The following AZI2 variants were observed in gnomAD, a reference collection of about 807,000 sequenced individuals.
The protein encoded by AZI2 is 5-azacytidine-induced protein 2.
A neutral mutation model predicts 45.8 loss-of-function variants in AZI2; 22 were observed. The observed-to-expected ratio is 0.48, with a 90% CI of 0.34 to 0.69. The LOEUF (loss-of-function observed/expected upper bound fraction) is 0.69, where lower values mean the gene tolerates loss of function less well. Among genes scored for constraint, AZI2 ranks in the 30% least tolerant of loss-of-function variants. The pLI is 0.01. For missense variants in AZI2, 417 were observed against 441.5 expected (o/e 0.94, Z 0.50); for synonymous variants, 137 against 156.7 (o/e 0.87, Z 0.94).
chr3:28,344,735 C>T, intron 1 of AZI2, among the ~76,000 whole-genome samples: 1 of 151,974 alleles, frequency 6.6e-6, no homozygotes, highest in East Asian at 1.9e-4. Flanking sequence ...TATACTGAGT[C>T]TTATTTATCA....
intron 5 of AZI2, among the ~76,000 whole-genome samples, chr3:28,333,580 C>A (rs914952702): frequency 6.6e-6 from 1 of 151,448 alleles, no homozygotes; most frequent in Admixed American, 6.6e-5. Flanking sequence ...TTAAAGCCAA[C>A]AATATAAAAA....
At chr3:28,347,153 CT>C (rs1164936292) in intron 1 of AZI2, among the ~76,000 whole-genome samples, 2 of 152,082 alleles carry the variant, frequency 1.3e-5, no homozygotes, top group Non-Finnish European at 2.9e-5. Flanking sequence ...GATAAGGCAA[CT>C]ATACTTGCAC....
chr3:28,340,345 G>T, intron 2 of AZI2, 57 bp downstream of exon 2: 1 of 1,167,596 alleles, frequency 8.6e-7, no homozygotes, highest in East Asian at 2.5e-5. Flanking sequence ...AAAATTTCAA[G>T]TATTTTGAAT....
In AZI2 at chr3:28,323,010, C is replaced by T. The variant is rs565007052; in HGVS notation, c.*1032G>A. ...TCCTTCTTTATTTCCAAATAATTGGCCACTTAGAATAAGTGTGGACATTTC... is the reference window on the plus strand; with the variant it reads ...TCCTTCTTTATTTCCAAATAATTGGTCACTTAGAATAAGTGTGGACATTTC... On this transcript the variant is annotated 3_prime_UTR_variant, in exon 8 of 8. Transcript: ENST00000479665. The T allele has an allele frequency of 3.0e-4, 43 of 142,126 alleles. No homozygotes were observed. Among genetic ancestry groups the T allele is most frequent in the African/African-American group, 1.0e-3 (42 of 41,078 alleles). 8.8% of individuals were successfully genotyped at this position (142,126 alleles called of 1,614,324 possible).
intron 7 of AZI2, among the ~76,000 whole-genome samples, chr3:28,325,374 A>G (rs569631110): frequency 6.6e-6 from 1 of 151,200 alleles, no homozygotes; most frequent in African/African-American, 2.4e-5. Flanking sequence ...ACATTATAAA[A>G]TAAGTTCATT....
chr3:28,336,692 TACAC>T, intron 5 of AZI2, 41 bp downstream of exon 5: 1 of 1,567,088 alleles, frequency 6.4e-7, no homozygotes, highest in Non-Finnish European at 8.8e-7. Flanking sequence ...CTACATATGA[TACAC>T]AAAAAATACT....
intron 3 of AZI2, 75 bp downstream of exon 3, chr3:28,338,418 C>T: frequency 7.1e-7 from 1 of 1,417,144 alleles, no homozygotes; most frequent in Non-Finnish European, 9.4e-7. Context: ...ATTTAACTTA[C>T]TTCTAATTTT....
chr3:28,335,473 A>G (rs548408438), intron 5 of AZI2, among the ~76,000 whole-genome samples: 1 of 152,044 alleles, frequency 6.6e-6, no homozygotes, highest in South Asian at 2.1e-4. Flanking sequence ...AAGCTGGGGG[A>G]ATCAACTTTG....
At chr3:28,341,395 C>A (rs1311644761) in intron 1 of AZI2, 1 of 152,066 alleles carries the variant, frequency 6.6e-6, no homozygotes, top group Non-Finnish European at 1.5e-5. Flanking sequence ...TCATTTGTGT[C>A]CCCAACTCAT....
Position 28,340,593 on chromosome 3 carries a change from T to C in AZI2, c.25A>G (p.Ile9Val), listed in dbSNP as rs1218411794. Residue 9 changes from isoleucine (I) to valine (V), a missense_variant, in exon 2 of 8, where the codon ATC becomes GTC. Transcript: ENST00000479665. ...GCTTTTTCATGATTCAGAATACAGA[T>C]ATCATCTTCTACCAGTGCATCCATG... MDALVEDDICILNHEKAHK... is the reference protein window; with the variant it reads MDALVEDDVCILNHEKAHK... 6.2e-6 allele frequency: 10 copies of C among 1,611,462 alleles called. No homozygotes were observed. Among genetic ancestry groups the C allele is most frequent in the African/African-American group, 4.0e-5 (3 of 74,818 alleles).
chr3:28,345,719 C>T (rs1242431831), intron 1 of AZI2, among the ~76,000 whole-genome samples: 2 of 152,132 alleles, frequency 1.3e-5, no homozygotes, highest in African/African-American at 2.4e-5. Flanking sequence ...TTTAGAAGAT[C>T]TTAAATTTCA....
At chr3:28,348,389 G>A (rs1303846215) in intron 1 of AZI2, 1 of 152,620 alleles carries the variant, frequency 6.6e-6, no homozygotes, top group South Asian at 2.1e-4. Context: ...AGCTGGGGGT[G>A]AGGGTGACAG....
intron 6 of AZI2, among the ~76,000 whole-genome samples, chr3:28,330,277 A>G (rs1703524704): frequency 6.6e-6 from 1 of 151,344 alleles, no homozygotes; most frequent in South Asian, 2.1e-4. Flanking sequence ...GGTTCACTCT[A>G]TCTTAAGATA....
rs1260513075 is a variant in AZI2, at chr3:28,323,910, G to A, written c.*132C>T. The A allele has an allele frequency of 1.9e-6, 2 of 1,035,696 alleles. No individual in the cohort carries two copies. The highest frequency in any genetic ancestry group is 1.6e-5 in the African/African-American group (1 of 61,108). 64.2% of individuals were successfully genotyped at this position (1,035,696 alleles called of 1,614,324 possible). Reference sequence around the variant, plus strand: ...TGGTTTTTGTACTATTGTACAGTGTGTTCAAATATAGATACTGAAGACCTC... The same window carrying A: ...TGGTTTTTGTACTATTGTACAGTGTATTCAAATATAGATACTGAAGACCTC... On this transcript the variant is annotated 3_prime_UTR_variant, in exon 8 of 8. Coordinates refer to ENST00000479665, the MANE Select transcript of AZI2 (RefSeq NM_022461.5).
chr3:28,321,866 A>G lies in AZI2; in HGVS notation c.*2176T>C, dbSNP rs1703198497. Reference sequence around the variant, plus strand: ...AGGAAGGAATAGGTGGCTTTTTGTTATGTTTTCTTCATTCTGTCGATTTAT... The same window carrying G: ...AGGAAGGAATAGGTGGCTTTTTGTTGTGTTTTCTTCATTCTGTCGATTTAT... On this transcript the variant is annotated 3_prime_UTR_variant, in exon 8 of 8. Coordinates refer to ENST00000479665, the MANE Select transcript of AZI2 (RefSeq NM_022461.5). The G allele has an allele frequency of 6.6e-6, 1 of 151,372 alleles. No homozygotes were observed. Among genetic ancestry groups the G allele is most frequent in the Non-Finnish European group, 1.5e-5 (1 of 67,518 alleles). 9.4% of individuals were successfully genotyped at this position (151,372 alleles called of 1,614,324 possible). A position where few individuals can be genotyped will look rare whatever the true frequency, so the allele number is the denominator to read the frequency against.
rs1336753787 is a variant in AZI2 at position 28,321,644 on chromosome 3, C to G, written c.*2398G>C. 6.6e-6 allele frequency: 1 copy of G among 151,312 alleles called. No individual in the cohort carries two copies. The highest frequency in any genetic ancestry group is 1.5e-5 in the Non-Finnish European group (1 of 67,526). 9.4% of individuals were successfully genotyped at this position (151,312 alleles called of 1,614,324 possible). The stretch of plus-strand genomic sequence containing the variant: ...TTTACCCCTTAAGATACACCTTCTC[C>G]AAGTAGCCTTTCTGAATTAAGATCA... On this transcript the variant is annotated 3_prime_UTR_variant, in exon 8 of 8. Transcript: ENST00000479665.
At position 28,322,117 on chromosome 3, in the gene AZI2, A is replaced by C. The variant is rs1703204922; in HGVS notation, c.*1925T>G. On this transcript the variant is annotated 3_prime_UTR_variant, in exon 8 of 8. Coordinates refer to ENST00000479665, the MANE Select transcript of AZI2 (RefSeq NM_022461.5). ...CTAGCTGGGTAAAAAATTTTTGGCT[A>C]ATCTTTCCTTACTAAAGAACCTTAT... The C allele has an allele frequency of 6.6e-6, 1 of 151,258 alleles. No individual in the cohort carries two copies. Among genetic ancestry groups the C allele is most frequent in the Non-Finnish European group, 1.5e-5 (1 of 67,448 alleles). 9.4% of individuals were successfully genotyped at this position (151,258 alleles called of 1,614,324 possible).
intron 7 of AZI2, chr3:28,325,097 T>C (rs527862946): frequency 1.4e-5 from 2 of 139,388 alleles, no homozygotes; most frequent in Admixed American, 7.5e-5. Context: ...CAAATGTTAA[T>C]GCTACTGTGG....
chr3:28,333,750 G>T (rs1387144416), intron 5 of AZI2, among the ~76,000 whole-genome samples: 9 of 151,458 alleles, frequency 5.9e-5, no homozygotes, highest in Admixed American at 2.0e-4. Flanking sequence ...GGTGGTAATG[G>T]ATCTGTTCCC....
Sources: allele counts gnomAD v4.1 joint callset (sites outside exome capture counted in the v4.1 genomes callset), GRCh38; gene constraint gnomAD v4.1.1; transcripts MANE v1.5; gene names NCBI Gene and HGNC (gene_info 2026-07-23, HGNC 2026-07-21).